Variants in DOCK3 observed in about 807,000 individuals in gnomAD.
DOCK3 encodes dedicator of cytokinesis protein 3.
A neutral mutation model predicts 265.6 loss-of-function variants in DOCK3; 60 were observed. The observed-to-expected ratio is 0.23, with a 90% CI of 0.18 to 0.28. DOCK3 has a LOEUF of 0.28. Ranked by LOEUF, DOCK3 falls within the 10% of genes least tolerant of loss-of-function variation. The pLI is 1.00. For missense variants in DOCK3, 1,981 were observed against 2,594.3 expected (o/e 0.76, Z 5.14); for synonymous variants, 881 against 938.0 (o/e 0.94, Z 1.11).
intron 4 of DOCK3, among the ~76,000 whole-genome samples, chr3:50,921,212 C>T (rs2050442314): frequency 6.6e-6 from 1 of 152,004 alleles, no homozygotes; most frequent in Non-Finnish European, 1.5e-5. Flanking sequence ...GTGATCTTTT[C>T]ACACAGTCCC....
chr3:51,329,992 T>A, intron 32 of DOCK3, 146 bp from the exon 33 acceptor site: 1 of 779,956 alleles, frequency 1.3e-6, no homozygotes, highest in Admixed American at 2.6e-5. Context: ...GTGCTATAGG[T>A]AAAATACTAC....
chr3:50,831,997 T>C (rs2045208089), intron 2 of DOCK3, among the ~76,000 whole-genome samples: 1 of 152,250 alleles, frequency 6.6e-6, no homozygotes, highest in African/African-American at 2.4e-5. Flanking sequence ...TGAGCTTTTT[T>C]TCATATGTTT....
chr3:51,321,384 A>G (rs2083717125), intron 32 of DOCK3, among the ~76,000 whole-genome samples: 1 of 152,230 alleles, frequency 6.6e-6, no homozygotes, highest in Admixed American at 6.5e-5. Flanking sequence ...AACACTGCAA[A>G]AAGGATGAAA....
intron 47 of DOCK3, 95 bp downstream of exon 47, chr3:51,360,727 C>A: frequency 6.6e-7 from 1 of 1,520,008 alleles, no homozygotes. Flanking sequence ...CTCATATTCC[C>A]TCTTACCCAT....
At chr3:51,255,898 G>T (rs2079520291) in intron 22 of DOCK3, among the ~76,000 whole-genome samples, 1 of 152,202 alleles carries the variant, frequency 6.6e-6, no homozygotes, top group African/African-American at 2.4e-5. Context: ...ATCCATCTTT[G>T]TTCTGTTGCT....
intron 2 of DOCK3, among the ~76,000 whole-genome samples, chr3:50,818,333 A>G (rs532191457): frequency 2.5e-4 from 38 of 152,310 alleles, no homozygotes; most frequent in African/African-American, 8.2e-4. Flanking sequence ...TGTAATGGGA[A>G]TTGACTCTTG....
At chr3:50,762,804 T>C (rs148700067) in intron 1 of DOCK3, among the ~76,000 whole-genome samples, 124 of 152,310 alleles carry the variant, frequency 8.1e-4, no homozygotes, top group Middle Eastern at 6.8e-3. Flanking sequence ...TGTGTAATCA[T>C]CTTTATGTGT....
intron 16 of DOCK3, 63 bp downstream of exon 16, chr3:51,227,508 T>C: frequency 6.3e-7 from 1 of 1,593,686 alleles, no homozygotes; most frequent in Non-Finnish European, 8.6e-7. Context: ...TCTCCTCTCT[T>C]GAACAGAATT....
chr3:50,816,472 C>T (rs1210533865), intron 2 of DOCK3, among the ~76,000 whole-genome samples: 1 of 151,886 alleles, frequency 6.6e-6, no homozygotes, highest in Non-Finnish European at 1.5e-5. Flanking sequence ...CAGGTGCCCA[C>T]CACTACGCCA....
chr3:50,775,066 A>G (rs575326046), intron 1 of DOCK3, among the ~76,000 whole-genome samples: 5 of 151,896 alleles, frequency 3.3e-5, no homozygotes, highest in Non-Finnish European at 7.4e-5. Flanking sequence ...GTATTTTTTT[A>G]AAAAATGTTT....
intron 4 of DOCK3, among the ~76,000 whole-genome samples, chr3:50,907,262 A>C (rs937289862): frequency 6.6e-6 from 1 of 152,126 alleles, no homozygotes; most frequent in Non-Finnish European, 1.5e-5. Context: ...TTAGATGTCT[A>C]TTAAGTCTGC....
intron 1 of DOCK3, among the ~76,000 whole-genome samples, chr3:50,762,785 G>A (rs2040613903): frequency 1.3e-5 from 2 of 151,932 alleles, no homozygotes; most frequent in Non-Finnish European, 2.9e-5. Flanking sequence ...AATAAATCCC[G>A]CTTCATCATG....
chr3:51,328,034 C>G (rs1202395018), intron 32 of DOCK3, among the ~76,000 whole-genome samples: 1 of 152,144 alleles, frequency 6.6e-6, no homozygotes, highest in Non-Finnish European at 1.5e-5. Context: ...GAATAGGTAT[C>G]AGAAGCACGT....
intron 1 of DOCK3, among the ~76,000 whole-genome samples, chr3:50,758,941 G>A (rs533105949): frequency 6.6e-6 from 1 of 152,280 alleles, no homozygotes; most frequent in South Asian, 2.1e-4. Context: ...AGCATGTCAA[G>A]ATTTTGTTAC....
At chr3:51,265,193 A>C (rs534709400) in intron 23 of DOCK3, among the ~76,000 whole-genome samples, 1 of 152,188 alleles carries the variant, frequency 6.6e-6, no homozygotes, top group Non-Finnish European at 1.5e-5. Context: ...TAAGATCTGA[A>C]ATTGAGGTAG....
In DOCK3 at chr3:51,218,602, G is replaced by A. The variant is rs187127589; in HGVS notation, c.1252+4355G>A. Among the ~76,000 whole-genome samples, 218 of 152,226 alleles carry A rather than the reference G, an allele frequency of 1.4e-3. 1 individual carries two copies. The highest frequency in any genetic ancestry group is 5.6e-3 in the South Asian group (27 of 4,814). ...GTCAGTGGAAATAAAGGGCTTTGTCGTGGTTTTTTGGGAAGTACAATGTTT... is the reference window on the plus strand; with the variant it reads ...GTCAGTGGAAATAAAGGGCTTTGTCATGGTTTTTTGGGAAGTACAATGTTT... On this transcript the variant is annotated intron_variant, in intron 14 of 52. Coordinates refer to ENST00000266037, the MANE Select transcript of DOCK3 (RefSeq NM_004947.5).
intron 5 of DOCK3, among the ~76,000 whole-genome samples, chr3:50,954,315 T>C (rs2076672787): frequency 6.6e-6 from 1 of 152,132 alleles, no homozygotes; most frequent in African/African-American, 2.4e-5. Flanking sequence ...TAATACTCTA[T>C]CTTATGTACA....
chr3:50,880,918 G>A (rs1036757976), intron 3 of DOCK3, among the ~76,000 whole-genome samples: 4 of 152,134 alleles, frequency 2.6e-5, no homozygotes, highest in Admixed American at 1.3e-4. Context: ...GAATCAAAAA[G>A]CTTATCCACC....
intron 4 of DOCK3, among the ~76,000 whole-genome samples, chr3:50,927,967 G>A (rs375327921): frequency 6.6e-6 from 1 of 151,952 alleles, no homozygotes; most frequent in Non-Finnish European, 1.5e-5. Context: ...TTAAGTACTC[G>A]TAGATACTTT....
Sources: gnomAD v4.1 joint callset for allele counts (sites outside exome capture counted in the v4.1 genomes callset) on GRCh38, gnomAD v4.1.1 for gene constraint, MANE v1.5 for transcripts, NCBI Gene and HGNC (gene_info 2026-07-23, HGNC 2026-07-21) for gene names.